Variants in PRDM16 observed in about 807,000 individuals in gnomAD.
PRDM16 encodes the protein histone-lysine N-methyltransferase PRDM16.
Under a neutral mutation model 110.6 loss-of-function variants are expected in PRDM16, and 23 were observed. That is an observed-to-expected ratio of 0.21 (90% confidence interval 0.15 to 0.29). The LOEUF (loss-of-function observed/expected upper bound fraction) is 0.29, where lower values mean the gene tolerates loss of function less well. Ranked by LOEUF, PRDM16 falls within the 10% of genes least tolerant of loss-of-function variation. The pLI is 1.00. For synonymous variants in PRDM16, 799 were observed against 781.8 expected, an observed-to-expected ratio of 1.02 and a Z score of -0.37; for missense variants, 1,615 against 1,794.3, an observed-to-expected ratio of 0.90 and a Z score of 1.81.
chr1:3,290,739 G>C lies in PRDM16; in HGVS notation c.438+46602G>C, dbSNP rs1640954434. 1.3e-5 allele frequency among the ~76,000 whole-genome samples: 2 copies of C among 152,100 alleles called. No homozygotes were observed. On this transcript the variant is annotated intron_variant, in intron 3 of 16. Coordinates refer to ENST00000270722, the MANE Select transcript of PRDM16 (RefSeq NM_022114.4). This position sits in a 1 kb window ranked among gnomAD's most constrained non-coding sequence, Gnocchi z 4.8. The stretch of plus-strand genomic sequence containing the variant: ...AGGGAGTGGAAGAAACTCAAGCCGG[G>C]AGCTGTGGATCCAAAAATATTGCAG...
At chr1:3,318,127 C>T (rs1173651996) in intron 3 of PRDM16, among the ~76,000 whole-genome samples, 1 of 151,778 alleles carries the variant, frequency 6.6e-6, no homozygotes, top group Non-Finnish European at 1.5e-5. Context: ...AAAATTATAC[C>T]CCAGTTTTTT....
At chr1:3,259,784 G>T (rs1202519068) in intron 3 of PRDM16, among the ~76,000 whole-genome samples, 1 of 152,158 alleles carries the variant, frequency 6.6e-6, no homozygotes, top group Non-Finnish European at 1.5e-5. Context: ...CCGTGGGCCT[G>T]GGATGCGCCT....
At chr1:3,133,484 G>A (rs1643375383) in intron 1 of PRDM16, 1 of 152,302 alleles carries the variant, frequency 6.6e-6, no homozygotes, top group African/African-American at 2.4e-5. Flanking sequence ...CTGCACGATG[G>A]GGAGAGGAGG....
chr1:3,362,107 G>T (rs900285610), intron 3 of PRDM16, among the ~76,000 whole-genome samples: 5 of 152,234 alleles, frequency 3.3e-5, no homozygotes, highest in African/African-American at 1.2e-4. Context: ...GAAGACACCT[G>T]TGTTCACTCA....
Position 3,433,876 on chromosome 1 carries a change from C to G in PRDM16, c.*65C>G, listed in dbSNP as rs917408007. The G allele has an allele frequency of 1.3e-6, 2 of 1,572,606 alleles. No individual in the cohort carries two copies. The highest frequency in any genetic ancestry group is 1.7e-6 in the Non-Finnish European group (2 of 1,158,164). On this transcript the variant is annotated 3_prime_UTR_variant, in exon 17 of 17. Transcript: ENST00000270722. The stretch of plus-strand genomic sequence containing the variant: ...ACCAGCCACGAAGGACGGAGGCGGG[C>G]GGGGCCCCGGAGAACCCTGTCCCTG...
chr1:3,190,481 C>T lies in PRDM16; in HGVS notation c.387+4007C>T, dbSNP rs1024385850. 3.9e-5 allele frequency among the ~76,000 whole-genome samples: 6 copies of T among 152,176 alleles called. No homozygotes were observed. Among genetic ancestry groups the T allele is most frequent in the African/African-American group, 1.4e-4 (6 of 41,448 alleles). ...GTTAGGAATAGTCGCTGACTAAACCCGCTTTGTTCCTGGGTGCTGCGAGGC... is the reference window on the plus strand; with the variant it reads ...GTTAGGAATAGTCGCTGACTAAACCTGCTTTGTTCCTGGGTGCTGCGAGGC... On this transcript the variant is annotated intron_variant, in intron 2 of 16. Transcript: ENST00000270722. The surrounding 1 kb of genome is among the most constrained non-coding windows in gnomAD (Gnocchi z 5.0).
intron 1 of PRDM16, among the ~76,000 whole-genome samples, chr1:3,180,524 G>T (rs1356285958): frequency 1.3e-5 from 2 of 152,178 alleles, no homozygotes; most frequent in Non-Finnish European, 2.9e-5. Context: ...GCAGCTGGGT[G>T]GGACCGAGTC....
intron 3 of PRDM16, among the ~76,000 whole-genome samples, chr1:3,318,499 C>T (rs889793290): frequency 1.3e-5 from 2 of 152,192 alleles, no homozygotes; most frequent in Non-Finnish European, 2.9e-5. Context: ...TATTTTTCTA[C>T]CATCTATTGA....
At chr1:3,235,475 A>C (rs913059976) in intron 2 of PRDM16, among the ~76,000 whole-genome samples, 68 of 152,152 alleles carry the variant, frequency 4.5e-4, no homozygotes, top group Non-Finnish European at 1.5e-4. Flanking sequence ...GAGGGCCAGA[A>C]GCAATGCTGG....
At chr1:3,387,729 GCTT>G (rs1447998454) in intron 4 of PRDM16, among the ~76,000 whole-genome samples, 25 of 152,368 alleles carry the variant, frequency 1.6e-4, no homozygotes, top group African/African-American at 5.3e-4. Context: ...TGAGTTGGCA[GCTT>G]CTTCTCCTGA....
intron 1 of PRDM16, among the ~76,000 whole-genome samples, chr1:3,181,136 G>A (rs958984339): frequency 0.028 from 1,880 of 67,354 alleles, 85 homozygotes; most frequent in African/African-American, 0.088. Flanking sequence ...AGTCTTACAC[G>A]CGGTCTTACA....
At chr1:3,397,538 C>T (rs943541311) in intron 5 of PRDM16, among the ~76,000 whole-genome samples, 5 of 152,388 alleles carry the variant, frequency 3.3e-5, no homozygotes, top group South Asian at 2.1e-4. Flanking sequence ...CCTGGCCCGT[C>T]GGCTCCACGC....
intron 3 of PRDM16, among the ~76,000 whole-genome samples, chr1:3,330,779 A>C (rs1284812889): frequency 6.6e-6 from 1 of 152,226 alleles, no homozygotes; most frequent in Non-Finnish European, 1.5e-5. Flanking sequence ...AGGGCGAGTC[A>C]GACCCCAGAA....
At chr1:3,134,733 A>C (rs1400874929) in intron 1 of PRDM16, among the ~76,000 whole-genome samples, 2 of 152,256 alleles carry the variant, frequency 1.3e-5, no homozygotes, top group Non-Finnish European at 2.9e-5. Context: ...GCGATTAGAC[A>C]ACTTATTTTT....
Position 3,150,629 on chromosome 1 carries a change from C to T in PRDM16, c.38-35496C>T, listed in dbSNP as rs553775379. Among the ~76,000 whole-genome samples, 4 of 152,160 alleles carry T rather than the reference C, an allele frequency of 2.6e-5. No individual in the cohort carries two copies. The South Asian group carries it at 8.3e-4, about 32-fold the overall frequency. The stretch of plus-strand genomic sequence containing the variant: ...TTTCAGTCTCTAGTCCAAACACAGA[C>T]ACAGTGCCACCCACTGCGGACTCCC... On this transcript the variant is annotated intron_variant, in intron 1 of 16. Coordinates refer to ENST00000270722, the MANE Select transcript of PRDM16 (RefSeq NM_022114.4).
intron 3 of PRDM16, among the ~76,000 whole-genome samples, chr1:3,275,564 C>T (rs538890789): frequency 6.6e-6 from 1 of 152,180 alleles, no homozygotes; most frequent in South Asian, 2.1e-4. Context: ...TCACCCTGTC[C>T]TGGTGCAGGC....
At chr1:3,138,175 C>T (rs1239542781) in intron 1 of PRDM16, among the ~76,000 whole-genome samples, 2 of 152,234 alleles carry the variant, frequency 1.3e-5, no homozygotes, top group South Asian at 2.1e-4. Flanking sequence ...CCATTTCCTT[C>T]TGTCCCCCTC....
At chr1:3,367,126 G>C (rs989002794) in intron 3 of PRDM16, among the ~76,000 whole-genome samples, 14 of 152,164 alleles carry the variant, frequency 9.2e-5, no homozygotes, top group Admixed American at 6.6e-5. Flanking sequence ...AAAATTACCC[G>C]GGCGTGGTGT....
intron 3 of PRDM16, among the ~76,000 whole-genome samples, chr1:3,297,237 C>T (rs1196754527): frequency 1.3e-5 from 2 of 151,846 alleles, no homozygotes; most frequent in African/African-American, 2.4e-5. Context: ...GGGTGAGACC[C>T]GAAGCAGCGA....
Sources: allele counts gnomAD v4.1 joint callset (sites outside exome capture counted in the v4.1 genomes callset), GRCh38; gene constraint gnomAD v4.1.1; non-coding constraint Gnocchi (gnomAD v3.1); transcripts MANE v1.5; gene names NCBI Gene and HGNC (gene_info 2026-07-23, HGNC 2026-07-21).